Variants in CHRM3 observed in about 807,000 individuals in gnomAD.
CHRM3 encodes the protein muscarinic acetylcholine receptor M3.
A neutral mutation model predicts 41.8 loss-of-function variants in CHRM3; 11 were observed. The ratio of observed to expected loss-of-function variants is 0.26; its 90% CI spans 0.17 to 0.44. The LOEUF is 0.44. Among genes scored for constraint, CHRM3 ranks in the 20% least tolerant of loss-of-function variants. CHRM3 has a pLI of 1.00. For missense variants in CHRM3, 571 were observed against 745.4 expected (o/e 0.77, Z 2.72); for synonymous variants, 297 against 301.4 (o/e 0.99, Z 0.15).
At chr1:239,618,543 A>T (rs1443474042) in intron 3 of CHRM3, among the ~76,000 whole-genome samples, 1 of 151,804 alleles carries the variant, frequency 6.6e-6, no homozygotes, top group African/African-American at 2.4e-5. Flanking sequence ...CATTCCTATC[A>T]CTTAAAAGAT....
At chr1:239,856,178 A>G (rs980986659) in intron 6 of CHRM3, among the ~76,000 whole-genome samples, 2 of 152,180 alleles carry the variant, frequency 1.3e-5, no homozygotes, top group South Asian at 2.1e-4. Context: ...TTGTACAACC[A>G]TGAATCAGTA....
At position 239,908,675 on chromosome 1, in the gene CHRM3, G is replaced by A. The variant is rs1472890608; in HGVS notation, c.1224G>A (p.Leu408=). The part of the protein sequence containing the change: ...MVDLERKADK[L]QAQKSVDDGG... ...ACTTGGAGAGGAAAGCCGACAAGCT[G>A]CAGGCCCAGAAGAGCGTGGACGATG... Residue 408 remains leucine, a synonymous_variant, in exon 7 of 7, where the codon CTG becomes CTA. Coordinates refer to ENST00000676153, the MANE Select transcript of CHRM3 (RefSeq NM_001375978.1). The surrounding 1 kb of genome is among the most constrained non-coding windows in gnomAD (Gnocchi z 7.2). 1.2e-6 allele frequency: 2 copies of A among 1,612,826 alleles called. No homozygotes were observed. Among genetic ancestry groups the A allele is most frequent in the Non-Finnish European group, 1.7e-6 (2 of 1,179,494 alleles).
Position 239,857,953 on chromosome 1 carries a change from G to C in CHRM3, c.-20+30575G>C, listed in dbSNP as rs193008220. 7.9e-5 allele frequency among the ~76,000 whole-genome samples: 12 copies of C among 151,990 alleles called. No individual in the cohort carries two copies. In the East Asian group the frequency reaches 2.3e-3, roughly 29 times the overall value. On this transcript the variant is annotated intron_variant, in intron 6 of 6. Coordinates refer to ENST00000676153, the MANE Select transcript of CHRM3 (RefSeq NM_001375978.1). ...GAACATTATCTTATGTGATCCCTCA[G>C]AAAAAGGGGGAATTAATTGACATAT...
At chr1:239,450,745 G>A (rs1001537634) in intron 1 of CHRM3, among the ~76,000 whole-genome samples, 3 of 152,180 alleles carry the variant, frequency 2.0e-5, no homozygotes, top group African/African-American at 7.2e-5. Flanking sequence ...CCAGCTCTAG[G>A]CAGTAATGGC....
intron 2 of CHRM3, among the ~76,000 whole-genome samples, chr1:239,541,992 G>A (rs1486791987): frequency 2.0e-5 from 3 of 152,142 alleles, no homozygotes; most frequent in Non-Finnish European, 1.5e-5. Context: ...GGAATCCGAA[G>A]AGCCTAGTGG....
rs763682628 is a variant in CHRM3 at position 239,488,714 on chromosome 1, C to CAAAAAAAA, written c.-520-3965_-520-3958dup. 4.3e-5 allele frequency among the ~76,000 whole-genome samples: 2 copies of CAAAAAAAA among 46,208 alleles called. 1 individual carries two copies. Among genetic ancestry groups the CAAAAAAAA allele is most frequent in the African/African-American group, 2.0e-4 (2 of 9,800 alleles). The allele number at this position is 46,208 out of a possible 152,430, so 30.3% of individuals were successfully genotyped here. A position where few individuals can be genotyped will look rare whatever the true frequency, so the allele number is the denominator to read the frequency against. On this transcript the variant is annotated intron_variant, in intron 1 of 6. Transcript: ENST00000676153. ...TGGATGACAGAGCGAGACTCCTTCT[C>CAAAAAAAA]AAAAAAAAAAAAAAAAAAAAAAAAA...
At chr1:239,708,612 A>G (rs1661422744) in intron 5 of CHRM3, among the ~76,000 whole-genome samples, 1 of 151,940 alleles carries the variant, frequency 6.6e-6, no homozygotes, top group Admixed American at 6.6e-5. Flanking sequence ...TGTTCATCCC[A>G]TAATTTTGTG....
chr1:239,671,401 C>T (rs1674352443), intron 4 of CHRM3, among the ~76,000 whole-genome samples: 1 of 152,160 alleles, frequency 6.6e-6, no homozygotes, highest in South Asian at 2.1e-4. Context: ...CAGAGGAAGA[C>T]CCCATCTCTA....
chr1:239,598,031 C>T (rs1253983039), intron 3 of CHRM3, among the ~76,000 whole-genome samples: 1 of 151,976 alleles, frequency 6.6e-6, no homozygotes, highest in Non-Finnish European at 1.5e-5. Context: ...AAATTAATTC[C>T]TGGGCCTTAA....
chr1:239,476,206 C>G (rs1024804466), intron 1 of CHRM3, among the ~76,000 whole-genome samples: 1 of 152,140 alleles, frequency 6.6e-6, no homozygotes, highest in African/African-American at 2.4e-5. Flanking sequence ...TGGCTCATGC[C>G]TGTAATCCCA....
chr1:239,594,670 A>T (rs1664581272), intron 3 of CHRM3, among the ~76,000 whole-genome samples: 1 of 152,220 alleles, frequency 6.6e-6, no homozygotes, highest in Admixed American at 6.5e-5. Context: ...AATAGCTAAA[A>T]TTCAAATGGC....
chr1:239,605,544 A>G (rs987695527), intron 3 of CHRM3, among the ~76,000 whole-genome samples: 3 of 152,218 alleles, frequency 2.0e-5, no homozygotes, highest in African/African-American at 7.2e-5. Flanking sequence ...GAAATGTTTA[A>G]AAGAATCATG....
At chr1:239,634,201 T>C (rs1670187216) in intron 4 of CHRM3, among the ~76,000 whole-genome samples, 1 of 152,160 alleles carries the variant, frequency 6.6e-6, no homozygotes, top group African/African-American at 2.4e-5. Flanking sequence ...CATTTTATAG[T>C]TAGTCAGGGG....
At chr1:239,890,613 A>G (rs944356311) in intron 6 of CHRM3, among the ~76,000 whole-genome samples, 3 of 152,160 alleles carry the variant, frequency 2.0e-5, no homozygotes, top group African/African-American at 4.8e-5. Flanking sequence ...GGCAGTACCA[A>G]TTATTATAGG....
At chr1:239,400,764 CA>C (rs1156560421) in intron 1 of CHRM3, among the ~76,000 whole-genome samples, 1 of 152,144 alleles carries the variant, frequency 6.6e-6, no homozygotes, top group Non-Finnish European at 1.5e-5. Context: ...ACCGTAAATA[CA>C]AAGATTTATT....
At chr1:239,684,007 C>A (rs1460335516) in intron 5 of CHRM3, among the ~76,000 whole-genome samples, 1 of 152,152 alleles carries the variant, frequency 6.6e-6, no homozygotes, top group Admixed American at 6.6e-5. Context: ...AAATTACATT[C>A]TCCAGTATAA....
chr1:239,799,666 T>C (rs1422175547), intron 5 of CHRM3, among the ~76,000 whole-genome samples: 2 of 152,182 alleles, frequency 1.3e-5, no homozygotes, highest in East Asian at 3.9e-4. Context: ...TTGCTTTTTG[T>C]GCCATGACAA....
intron 2 of CHRM3, among the ~76,000 whole-genome samples, chr1:239,526,808 C>A (rs1670025254): frequency 6.6e-6 from 1 of 152,094 alleles, no homozygotes. Context: ...ACTTTCATTG[C>A]AACCTTTTTC....
chr1:239,860,000 T>C (rs1294015749), intron 6 of CHRM3, among the ~76,000 whole-genome samples: 1 of 152,028 alleles, frequency 6.6e-6, no homozygotes, highest in Admixed American at 6.6e-5. Context: ...CCTCCAACAA[T>C]GCAGACTGCA....
Sources: allele counts gnomAD v4.1 joint callset (sites outside exome capture counted in the v4.1 genomes callset), GRCh38; gene constraint gnomAD v4.1.1; non-coding constraint Gnocchi (gnomAD v3.1); transcripts MANE v1.5; gene names NCBI Gene and HGNC (gene_info 2026-07-23, HGNC 2026-07-21).